The following CEP350 variants were observed in gnomAD, a reference collection of about 807,000 sequenced individuals.
CEP350 encodes centrosomal protein 350, also known as centrosome-associated protein 350.
A neutral mutation model predicts 331.8 loss-of-function variants in CEP350; 126 were observed. That is an observed-to-expected ratio of 0.38 (90% CI 0.33 to 0.44). The LOEUF (loss-of-function observed/expected upper bound fraction) is 0.44, where lower values mean the gene tolerates loss of function less well. Among genes scored for constraint, CEP350 ranks in the 20% least tolerant of loss-of-function variants. CEP350 has a pLI of 1.00. For missense variants in CEP350, 3,406 were observed against 3,634.6 expected, an observed-to-expected ratio of 0.94 and a Z score of 1.62; for synonymous variants, 1,200 against 1,259.5, an observed-to-expected ratio of 0.95 and a Z score of 1.00.
intron 5 of CEP350, among the ~76,000 whole-genome samples, chr1:179,992,952 T>C (rs1040611354): frequency 3.3e-5 from 5 of 152,216 alleles, no homozygotes; most frequent in African/African-American, 9.6e-5. Context: ...AGTTTCATGA[T>C]GATACTTGGT....
chr1:180,008,116 A>C (rs1654385248), intron 8 of CEP350, among the ~76,000 whole-genome samples: 1 of 152,078 alleles, frequency 6.6e-6, no homozygotes, highest in South Asian at 2.1e-4. Flanking sequence ...ATTGTCACTG[A>C]ATCCTTTCAC....
chr1:179,988,759 A>G (rs1174925840), intron 3 of CEP350, among the ~76,000 whole-genome samples: 1 of 151,060 alleles, frequency 6.6e-6, no homozygotes, highest in African/African-American at 2.4e-5. Context: ...TGAATCACCT[A>G]TTTCTTTACT....
chr1:179,989,310 T>A (rs1571825998), intron 3 of CEP350, among the ~76,000 whole-genome samples: 2 of 151,446 alleles, frequency 1.3e-5, no homozygotes, highest in Middle Eastern at 3.2e-3. Flanking sequence ...TTAAACTCCA[T>A]CTCTACAAAA....
intron 1 of CEP350, among the ~76,000 whole-genome samples, chr1:179,983,859 T>C (rs1443564991): frequency 6.6e-6 from 1 of 152,164 alleles, no homozygotes; most frequent in Non-Finnish European, 1.5e-5. Context: ...GGGCAAAGGA[T>C]AGAAAAGATA....
At chr1:179,976,821 A>G (rs1311882734) in intron 1 of CEP350, among the ~76,000 whole-genome samples, 1 of 152,030 alleles carries the variant, frequency 6.6e-6, no homozygotes, top group Non-Finnish European at 1.5e-5. Context: ...GTGGGTTTTT[A>G]TCTTTTATTT....
intron 16 of CEP350, among the ~76,000 whole-genome samples, chr1:180,036,592 A>AT (rs958566968): frequency 3.3e-5 from 5 of 152,146 alleles, no homozygotes; most frequent in Non-Finnish European, 5.9e-5. Context: ...GATCATTAGC[A>AT]TTTTTTTAGC....
At chr1:179,981,355 C>T (rs978371703) in intron 1 of CEP350, among the ~76,000 whole-genome samples, 1 of 152,142 alleles carries the variant, frequency 6.6e-6, no homozygotes, top group Non-Finnish European at 1.5e-5. Flanking sequence ...AAGGTGCTTT[C>T]ATTATTCCGC....
chr1:180,019,861 A>G lies in CEP350; in HGVS notation c.2175-88A>G, dbSNP rs1655208933. On this transcript the variant is annotated intron_variant, in intron 11 of 37. Transcript: ENST00000367607. ...ATCTGTCCTTTTTTTGTTGCAGTGC[A>G]TCCTCATTACTCTTATAATCAGATA... The G allele has an allele frequency of 3.4e-6, 4 of 1,185,710 alleles. No individual in the cohort carries two copies. The South Asian group carries it at 6.3e-5, about 19-fold the overall frequency. 73.4% of individuals were successfully genotyped at this position (1,185,710 alleles called of 1,614,324 possible). A position where few individuals can be genotyped will look rare whatever the true frequency, so the allele number is the denominator to read the frequency against.
chr1:180,109,414 G>A (rs12127784), intron 37 of CEP350, among the ~76,000 whole-genome samples: 12,666 of 151,070 alleles, frequency 0.084, 700 homozygotes, highest in Middle Eastern at 0.12. Context: ...CACCGCGCTC[G>A]GCCCACTTTC....
At chr1:179,983,180 A>T (rs981474884) in intron 1 of CEP350, among the ~76,000 whole-genome samples, 3 of 152,146 alleles carry the variant, frequency 2.0e-5, no homozygotes, top group African/African-American at 7.2e-5. Flanking sequence ...TATTTTCAGG[A>T]AACTTGTTTA....
intron 32 of CEP350, among the ~76,000 whole-genome samples, chr1:180,090,225 A>G (rs1241416062): frequency 6.6e-6 from 1 of 152,154 alleles, no homozygotes; most frequent in Non-Finnish European, 1.5e-5. Flanking sequence ...AGGCAAGGTC[A>G]TCTAGTGAGA....
chr1:180,101,388 C>T (rs1162319777), intron 37 of CEP350, among the ~76,000 whole-genome samples: 2 of 151,976 alleles, frequency 1.3e-5, no homozygotes, highest in Admixed American at 1.3e-4. Context: ...ATTTGGTAAA[C>T]CTTGTATTTG....
chr1:179,982,284 CT>C (rs1652329625), intron 1 of CEP350, among the ~76,000 whole-genome samples: 1 of 152,156 alleles, frequency 6.6e-6, no homozygotes, highest in African/African-American at 2.4e-5. Context: ...CTATTTTATA[CT>C]TTATTTAATG....
Position 180,113,305 on chromosome 1 carries a change from A to G in CEP350, c.*2144A>G, listed in dbSNP as rs934497616. The stretch of plus-strand genomic sequence containing the variant: ...ATGGGACTGTAGGTTGTTTTTCTAC[A>G]TCTTCATTATTTGGACCTAAAACCA... On this transcript the variant is annotated 3_prime_UTR_variant, in exon 38 of 38. Transcript: ENST00000367607. 5 of 152,152 alleles carry G rather than the reference A, an allele frequency of 3.3e-5. No individual in the cohort carries two copies. Among genetic ancestry groups the G allele is most frequent in the African/African-American group, 1.2e-4 (5 of 41,428 alleles). 9.4% of individuals were successfully genotyped at this position (152,152 alleles called of 1,614,324 possible).
chr1:180,105,427 A>G (rs1030402477), intron 37 of CEP350, among the ~76,000 whole-genome samples: 4 of 152,110 alleles, frequency 2.6e-5, no homozygotes, highest in South Asian at 2.1e-4. Flanking sequence ...CTCCAGATGC[A>G]TATAGCCATT....
intron 32 of CEP350, among the ~76,000 whole-genome samples, 168 bp from the exon 33 acceptor site, chr1:180,090,545 CA>C (rs36128628): frequency 0.013 from 982 of 77,306 alleles, 3 homozygotes; most frequent in African/African-American, 0.036. Flanking sequence ...GACTCCGTCT[CA>C]AAAAAAAAAA....
Position 180,038,174 on chromosome 1 carries a change from A to T in CEP350, c.4110+1085A>T, listed in dbSNP as rs1656498353. Reference sequence around the variant, plus strand: ...GTACTTTGAACTCTGTGTTTAGCTTATTTTATTCAATACCAATTTAAGATT... The same window carrying T: ...GTACTTTGAACTCTGTGTTTAGCTTTTTTTATTCAATACCAATTTAAGATT... On this transcript the variant is annotated intron_variant, in intron 17 of 37. Coordinates refer to ENST00000367607, the MANE Select transcript of CEP350 (RefSeq NM_014810.5). Among the ~76,000 whole-genome samples, 3 of 152,148 alleles carry T rather than the reference A, an allele frequency of 2.0e-5. No homozygotes were observed. The South Asian group carries it at 6.2e-4, about 32-fold the overall frequency.
intron 16 of CEP350, 92 bp downstream of exon 16, chr1:180,034,174 A>G (rs1311563926): frequency 3.7e-6 from 5 of 1,362,118 alleles, no homozygotes; most frequent in Non-Finnish European, 4.9e-6. Flanking sequence ...TGAGTCATAG[A>G]GAAATATTAT....
At chr1:179,960,764 TGTG>T (rs1233996989) in intron 1 of CEP350, among the ~76,000 whole-genome samples, 15 of 152,202 alleles carry the variant, frequency 9.9e-5, no homozygotes, top group African/African-American at 2.4e-4. Context: ...ATTAAGTAGT[TGTG>T]GTAATTTAGT....
Sources: gnomAD v4.1 joint callset for allele counts (sites outside exome capture counted in the v4.1 genomes callset) on GRCh38, gnomAD v4.1.1 for gene constraint, MANE v1.5 for transcripts, NCBI Gene and HGNC (gene_info 2026-07-23, HGNC 2026-07-21) for gene names.